MAPK10: variants seen among roughly 807,000 people sequenced by gnomAD.
The protein encoded by MAPK10 is JNK3 alpha protein kinase.
MAPK10 carries 25 observed loss-of-function variants against 59.3 expected under a neutral mutation model. The ratio of observed to expected loss-of-function variants is 0.42; its 90% CI spans 0.31 to 0.59. The LOEUF (loss-of-function observed/expected upper bound fraction) is 0.59, where lower values mean the gene tolerates loss of function less well. Ranked by LOEUF, MAPK10 falls within the 20% of genes least tolerant of loss-of-function variation. The pLI is 0.15. For synonymous variants in MAPK10, 190 were observed against 200.5 expected, an observed-to-expected ratio of 0.95 and a Z score of 0.44; for missense variants, 351 against 568.9, an observed-to-expected ratio of 0.62 and a Z score of 3.90.
chr4:86,106,478 AATTT>A (rs900636307), intron 5 of MAPK10, among the ~76,000 whole-genome samples: 3 of 149,354 alleles, frequency 2.0e-5, no homozygotes, highest in South Asian at 2.1e-4. Flanking sequence ...TATTTATTAT[AATTT>A]ATTTATTAAT....
Position 86,183,531 on chromosome 4 carries a change from G to A in MAPK10, c.66+10805C>T, listed in dbSNP as rs201436469. Reference sequence around the variant, plus strand: ...ATATGTGCCACATTTTCTTAATCCAGTCTATCATTGTTGGACATTTGGGTT... The same window carrying A: ...ATATGTGCCACATTTTCTTAATCCAATCTATCATTGTTGGACATTTGGGTT... On this transcript the variant is annotated intron_variant, in intron 3 of 13. Transcript: ENST00000641462. Among the ~76,000 whole-genome samples the A allele has an allele frequency of 2.2e-4, 34 of 152,076 alleles. No individual in the cohort carries two copies. The East Asian group carries it at 5.6e-3, about 25-fold the overall frequency.
At chr4:86,375,652 C>T (rs1739665901) in intron 1 of MAPK10, among the ~76,000 whole-genome samples, 1 of 129,448 alleles carries the variant, frequency 7.7e-6, no homozygotes, top group South Asian at 2.6e-4. Context: ...GAGGTCAAGG[C>T]TGCAGTGAGC....
At chr4:86,026,510 T>C (rs553398743) in intron 13 of MAPK10, 2 of 152,338 alleles carry the variant, frequency 1.3e-5, no homozygotes, top group Non-Finnish European at 2.9e-5. Flanking sequence ...ATTTCATCAA[T>C]AAATTTCAAA....
intron 1 of MAPK10, among the ~76,000 whole-genome samples, chr4:86,380,084 G>A (rs2149000258): frequency 6.6e-6 from 1 of 152,160 alleles, no homozygotes; most frequent in South Asian, 2.1e-4. Flanking sequence ...AAATTAGCCA[G>A]GCATGGTGGT....
At chr4:86,387,741 A>G (rs565901326) in intron 1 of MAPK10, among the ~76,000 whole-genome samples, 1 of 152,246 alleles carries the variant, frequency 6.6e-6, no homozygotes, top group South Asian at 2.1e-4. Flanking sequence ...ATATGGAAAG[A>G]GTAAACTGAA....
At chr4:86,072,066 C>T (rs1490434942) in intron 9 of MAPK10, among the ~76,000 whole-genome samples, 15 of 138,372 alleles carry the variant, frequency 1.1e-4, no homozygotes, top group African/African-American at 3.3e-4. Flanking sequence ...CTTTTATTTC[C>T]TTGAGCAGTG....
Position 86,358,178 on chromosome 4 carries a change from T to G in MAPK10, c.-122+1480A>C, listed in dbSNP as rs962480163. 4.1e-6 allele frequency: 4 copies of G among 980,918 alleles called. No homozygotes were observed. The African/African-American group carries it at 7.0e-5, about 17-fold the overall frequency. The allele number at this position is 980,918 out of a possible 1,614,324, so 60.8% of individuals were successfully genotyped here. A position where few individuals can be genotyped will look rare whatever the true frequency, so the allele number is the denominator to read the frequency against. ...GCTTGTGATATACTTATATATTTAT[T>G]TGTTATATATTTGTAACATATATGC... On this transcript the variant is annotated intron_variant, in intron 1 of 13. Transcript: ENST00000641462.
intron 2 of MAPK10, among the ~76,000 whole-genome samples, chr4:86,220,358 A>AC (rs1265032293): frequency 4.6e-5 from 7 of 151,990 alleles, no homozygotes; most frequent in Admixed American, 1.3e-4. Context: ...ACAAAAAAAA[A>AC]ATGAGGTTGA....
At chr4:86,228,049 T>C (rs1036258365) in intron 2 of MAPK10, among the ~76,000 whole-genome samples, 3 of 152,014 alleles carry the variant, frequency 2.0e-5, no homozygotes, top group African/African-American at 4.8e-5. Context: ...TGGCTATTTA[T>C]TGAAAAGGAA....
intron 11 of MAPK10, among the ~76,000 whole-genome samples, chr4:86,047,671 C>A (rs796704170): frequency 5.3e-5 from 8 of 152,206 alleles, no homozygotes; most frequent in African/African-American, 1.9e-4. Flanking sequence ...CACTTGTACA[C>A]GCATGCTGGG....
chr4:86,214,706 C>G (rs1446619625), intron 2 of MAPK10, among the ~76,000 whole-genome samples: 1 of 151,486 alleles, frequency 6.6e-6, no homozygotes, highest in East Asian at 1.9e-4. Flanking sequence ...TTGACTTAAC[C>G]AAGAAGGAAA....
intron 2 of MAPK10, among the ~76,000 whole-genome samples, chr4:86,291,685 T>TAA (rs2095233143): frequency 1.3e-5 from 2 of 152,330 alleles, no homozygotes; most frequent in African/African-American, 4.8e-5. Context: ...TTCTAAGCAC[T>TAA]GTCATTCTTC....
intron 1 of MAPK10, among the ~76,000 whole-genome samples, chr4:86,574,665 G>A (rs1386941209): frequency 2.6e-5 from 4 of 152,090 alleles, no homozygotes; most frequent in South Asian, 2.1e-4. Context: ...TTTAAAGTCA[G>A]ACCTATGGCT....
chr4:86,031,047 T>A (rs2038905709), intron 12 of MAPK10, among the ~76,000 whole-genome samples: 1 of 152,236 alleles, frequency 6.6e-6, no homozygotes, highest in East Asian at 1.9e-4. Context: ...TAGAAAGTTG[T>A]ATTCTGGAAT....
intron 1 of MAPK10, among the ~76,000 whole-genome samples, chr4:86,372,994 C>T (rs1739143708): frequency 6.6e-6 from 1 of 152,154 alleles, no homozygotes; most frequent in African/African-American, 2.4e-5. Flanking sequence ...CATCATGCTA[C>T]CTGACTTCAA....
intron 1 of MAPK10, among the ~76,000 whole-genome samples, chr4:86,434,684 C>A (rs892478882): frequency 6.6e-6 from 1 of 152,164 alleles, no homozygotes; most frequent in South Asian, 2.1e-4. Context: ...AAACCTCGTA[C>A]GCTGTTGATG....
At chr4:86,283,074 T>A (rs1179018945) in intron 2 of MAPK10, among the ~76,000 whole-genome samples, 1 of 152,222 alleles carries the variant, frequency 6.6e-6, no homozygotes, top group Non-Finnish European at 1.5e-5. Flanking sequence ...TATTTTGTTC[T>A]TTTCTACATT....
Position 86,499,450 on chromosome 4 carries a change from C to T in MAPK10, c.-263+94460G>A, listed in dbSNP as rs188153295. 6.6e-5 allele frequency among the ~76,000 whole-genome samples: 10 copies of T among 152,228 alleles called. No homozygotes were observed. In the East Asian group the frequency reaches 1.5e-3, roughly 24 times the overall value. The stretch of plus-strand genomic sequence containing the variant: ...AATTCTGCTGATGCACTTGTTGGTT[C>T]GGTTATTTTCTTGCCAGGGCCACAC... On this transcript the variant is annotated intron_variant, in intron 1 of 4. Coordinates refer to the MAPK10 transcript ENST00000502302.
At chr4:86,358,236 C>T in intron 1 of MAPK10, 1 of 985,330 alleles carries the variant, frequency 1.0e-6, no homozygotes, top group Non-Finnish European at 1.2e-6. Flanking sequence ...AGAAGCTTCT[C>T]TGAGAGAAAT....
Sources: allele counts gnomAD v4.1 joint callset (sites outside exome capture counted in the v4.1 genomes callset), GRCh38; gene constraint gnomAD v4.1.1; transcripts MANE v1.5; gene names NCBI Gene and HGNC (gene_info 2026-07-23, HGNC 2026-07-21).